Variants in CFAP20DC observed in about 807,000 individuals in gnomAD.
The protein encoded by CFAP20DC is protein CFAP20DC.
Under a neutral mutation model 101.7 loss-of-function variants are expected in CFAP20DC, and 84 were observed. The observed-to-expected ratio is 0.83, with a 90% CI of 0.69 to 0.99. The LOEUF (loss-of-function observed/expected upper bound fraction) is 0.99, where lower values mean the gene tolerates loss of function less well. CFAP20DC is among the 50% of genes least tolerant of loss of function. The pLI is 0.00. For synonymous variants in CFAP20DC, 359 were observed against 351.2 expected (o/e 1.02, Z -0.25); for missense variants, 1,007 against 970.3 (o/e 1.04, Z -0.50).
chr3:58,875,630 G>C (rs1472863782), intron 7 of CFAP20DC, among the ~76,000 whole-genome samples: 1 of 152,098 alleles, frequency 6.6e-6, no homozygotes, highest in African/African-American at 2.4e-5. Context: ...TTCTCTATAA[G>C]GAAGTTTCCC....
intron 6 of CFAP20DC, among the ~76,000 whole-genome samples, chr3:58,888,988 GT>G (rs75203673): frequency 0.034 from 4,422 of 131,730 alleles, 82 homozygotes; most frequent in African/African-American, 0.055. Flanking sequence ...AGCATCTATT[GT>G]TTTTTTTTTT....
At chr3:58,812,689 AAAACTT>A in intron 14 of CFAP20DC, among the ~76,000 whole-genome samples, 1 of 151,808 alleles carries the variant, frequency 6.6e-6, no homozygotes, top group Non-Finnish European at 1.5e-5. Context: ...CATGTACTCT[AAAACTT>A]AAAGTATAAT....
At chr3:59,020,816 C>T (rs1305518035) in intron 4 of CFAP20DC, among the ~76,000 whole-genome samples, 1 of 152,096 alleles carries the variant, frequency 6.6e-6, no homozygotes, top group Non-Finnish European at 1.5e-5. Flanking sequence ...GCTGTTTGTT[C>T]TATCCACATT....
chr3:58,819,777 C>T (rs1366522974), intron 14 of CFAP20DC, among the ~76,000 whole-genome samples: 1 of 147,512 alleles, frequency 6.8e-6, no homozygotes, highest in Non-Finnish European at 1.5e-5. Context: ...AGGGAATCCT[C>T]CCTAACTCAT....
intron 15 of CFAP20DC, among the ~76,000 whole-genome samples, chr3:58,790,320 G>A (rs1361394687): frequency 6.6e-6 from 1 of 151,644 alleles, no homozygotes; most frequent in Non-Finnish European, 1.5e-5. Flanking sequence ...ATGGACCGGA[G>A]ACAGGGAAAT....
At chr3:58,780,640 T>C (rs1277262782) in intron 15 of CFAP20DC, among the ~76,000 whole-genome samples, 1 of 152,050 alleles carries the variant, frequency 6.6e-6, no homozygotes, top group African/African-American at 2.4e-5. Flanking sequence ...CAGGATTAGC[T>C]ATGCTTATAT....
chr3:58,911,438 T>C (rs1425955128), intron 6 of CFAP20DC, among the ~76,000 whole-genome samples: 6 of 152,092 alleles, frequency 3.9e-5, no homozygotes, highest in Non-Finnish European at 1.5e-5. Context: ...GGTTATCTCT[T>C]AGGAGAAGGA....
intron 12 of CFAP20DC, chr3:58,862,973 T>C: frequency 1.0e-6 from 1 of 974,140 alleles, no homozygotes; most frequent in South Asian, 4.8e-5. Context: ...TTTGCTAATT[T>C]ATAGGATATA....
intron 13 of CFAP20DC, among the ~76,000 whole-genome samples, chr3:58,832,945 T>C (rs1335869472): frequency 6.6e-6 from 1 of 152,226 alleles, no homozygotes; most frequent in Non-Finnish European, 1.5e-5. Context: ...AATTTTCTTG[T>C]ACATCTGGAA....
chr3:59,038,854 A>G lies in CFAP20DC; in HGVS notation c.278+703T>C, dbSNP rs1317582990. On this transcript the variant is annotated intron_variant, in intron 4 of 16. Coordinates refer to ENST00000482387, the MANE Select transcript of CFAP20DC (RefSeq NM_001394063.1). ...AATCATTTATTCTGGCATGGAAAAT[A>G]AAAACCTAAGCTCAGACCTTGGACA... 3.9e-5 allele frequency among the ~76,000 whole-genome samples: 6 copies of G among 152,146 alleles called. 1 individual carries two copies. Among genetic ancestry groups the G allele is most frequent in the Admixed American group, 3.3e-4 (5 of 15,256 alleles).
chr3:59,003,770 A>C (rs958538763), intron 4 of CFAP20DC, among the ~76,000 whole-genome samples: 1 of 152,238 alleles, frequency 6.6e-6, no homozygotes, highest in African/African-American at 2.4e-5. Flanking sequence ...AAAAGTTTGA[A>C]ACTAACTTGC....
intron 7 of CFAP20DC, among the ~76,000 whole-genome samples, chr3:58,881,585 C>T (rs1356801263): frequency 2.6e-5 from 4 of 152,130 alleles, no homozygotes; most frequent in African/African-American, 9.7e-5. Context: ...AAAATAGTTA[C>T]AAGTTTTAAG....
At chr3:58,852,284 G>C (rs1251608399) in intron 12 of CFAP20DC, among the ~76,000 whole-genome samples, 3 of 152,052 alleles carry the variant, frequency 2.0e-5, no homozygotes, top group Non-Finnish European at 2.9e-5. Context: ...AGTTAGAAGA[G>C]CTAACTATCC....
chr3:58,944,200 T>C (rs539444723), intron 4 of CFAP20DC, among the ~76,000 whole-genome samples: 2 of 152,104 alleles, frequency 1.3e-5, no homozygotes, highest in African/African-American at 4.8e-5. Context: ...ACAGGCCAAC[T>C]TTCAAATTCA....
downstream of CFAP20DC, among the ~76,000 whole-genome samples, chr3:58,741,690 G>C (rs2067891718): frequency 6.6e-6 from 1 of 151,934 alleles, no homozygotes; most frequent in Admixed American, 6.6e-5. Context: ...TAGAGATGGG[G>C]TTTCACTGTG....
intron 4 of CFAP20DC, among the ~76,000 whole-genome samples, chr3:59,032,576 C>T (rs1447003153): frequency 2.6e-5 from 4 of 152,166 alleles, no homozygotes; most frequent in Admixed American, 6.5e-5. Context: ...AAAACAAAGC[C>T]ACCTGGAAAT....
rs868085743 is a variant in CFAP20DC at position 58,819,221 on chromosome 3, A to G, written c.2175+12465T>C. On this transcript the variant is annotated intron_variant, in intron 14 of 16. Transcript: ENST00000482387. ...TCCAAAATTGACACCCTAACATCAC[A>G]ATTAAAAGAACTAGAAAAGCAAGAG... Among the ~76,000 whole-genome samples the G allele has an allele frequency of 1.2e-3, 181 of 151,734 alleles. 1 individual carries two copies. Among genetic ancestry groups the G allele is most frequent in the Middle Eastern group, 6.8e-3 (2 of 294 alleles).
intron 14 of CFAP20DC, among the ~76,000 whole-genome samples, chr3:58,829,883 C>T (rs2076281983): frequency 6.6e-6 from 1 of 152,134 alleles, no homozygotes; most frequent in South Asian, 2.1e-4. Flanking sequence ...ATGACAGAAT[C>T]AGCTCGATCA....
At chr3:59,028,604 G>A (rs892348912) in intron 4 of CFAP20DC, among the ~76,000 whole-genome samples, 1 of 152,220 alleles carries the variant, frequency 6.6e-6, no homozygotes, top group Non-Finnish European at 1.5e-5. Context: ...AGCGTGGCAA[G>A]GGAGTAGAGA....
Sources: allele counts gnomAD v4.1 joint callset (sites outside exome capture counted in the v4.1 genomes callset), GRCh38; gene constraint gnomAD v4.1.1; transcripts MANE v1.5; gene names NCBI Gene and HGNC (gene_info 2026-07-23, HGNC 2026-07-21).